PPTC7: variants seen among roughly 807,000 people sequenced by gnomAD.
PPTC7 encodes protein phosphatase targeting COQ7, also known as protein phosphatase PTC7 homolog.
PPTC7 carries 6 observed loss-of-function variants against 30.8 expected under a neutral mutation model. That is an observed-to-expected ratio of 0.19 (90% CI 0.11 to 0.38). PPTC7 has a LOEUF of 0.38. Among genes scored for constraint, PPTC7 ranks in the 10% least tolerant of loss-of-function variants. The pLI is 1.00. For synonymous variants in PPTC7, 163 were observed against 168.1 expected, an observed-to-expected ratio of 0.97 and a Z score of 0.23; for missense variants, 218 against 404.8, an observed-to-expected ratio of 0.54 and a Z score of 3.96.
intron 1 of PPTC7, 34 bp downstream of exon 1, chr12:110,582,775 A>C: frequency 6.6e-7 from 1 of 1,506,286 alleles, no homozygotes; most frequent in Non-Finnish European, 8.9e-7. Context: ...GGCGGATCCG[A>C]GGCTGGGGCA....
intron 2 of PPTC7, 66 bp downstream of exon 2, chr12:110,551,723 T>C: frequency 2.1e-6 from 3 of 1,412,806 alleles, no homozygotes; most frequent in Non-Finnish European, 2.9e-6. Context: ...TAAATGATTT[T>C]CTTGGTTTTG....
At chr12:110,581,570 T>C (rs1004718268) in intron 1 of PPTC7, among the ~76,000 whole-genome samples, 4 of 152,226 alleles carry the variant, frequency 2.6e-5, no homozygotes, top group African/African-American at 9.6e-5. Flanking sequence ...CATGTTAATA[T>C]CAATAGCGTT....
chr12:110,569,459 C>G (rs1382432990), intron 1 of PPTC7, among the ~76,000 whole-genome samples: 1 of 152,170 alleles, frequency 6.6e-6, no homozygotes, highest in Non-Finnish European at 1.5e-5. Context: ...CTAACTGGAC[C>G]TAAGACACTG....
chr12:110,542,388 C>T (rs148043823), intron 3 of PPTC7, among the ~76,000 whole-genome samples: 6 of 151,064 alleles, frequency 4.0e-5, no homozygotes, highest in Admixed American at 1.3e-4. Flanking sequence ...CTGCTCATAG[C>T]GGGCTGTGGG....
chr12:110,558,780 G>C (rs1478667124), intron 1 of PPTC7, among the ~76,000 whole-genome samples: 1 of 152,036 alleles, frequency 6.6e-6, no homozygotes, highest in Non-Finnish European at 1.5e-5. Flanking sequence ...CTAATTTTTT[G>C]TATTTTTAGT....
chr12:110,578,019 G>A (rs538338599), intron 1 of PPTC7, among the ~76,000 whole-genome samples: 10 of 152,238 alleles, frequency 6.6e-5, no homozygotes, highest in South Asian at 2.1e-4. Flanking sequence ...GTGGTCTAAC[G>A]GGGACAGGAC....
intron 1 of PPTC7, among the ~76,000 whole-genome samples, chr12:110,557,774 A>G (rs1259407713): frequency 6.6e-6 from 1 of 152,214 alleles, no homozygotes; most frequent in Non-Finnish European, 1.5e-5. Context: ...TAAAAGACGG[A>G]GGTTTAATTG....
At chr12:110,553,661 C>A (rs966497020) in intron 1 of PPTC7, among the ~76,000 whole-genome samples, 3 of 152,066 alleles carry the variant, frequency 2.0e-5, no homozygotes, top group Non-Finnish European at 2.9e-5. Context: ...CACCTGTAGT[C>A]CCAGCTACTC....
intron 1 of PPTC7, among the ~76,000 whole-genome samples, chr12:110,574,141 T>TAA (rs58133391): frequency 0.036 from 1,363 of 37,500 alleles, 31 homozygotes; most frequent in African/African-American, 0.05. Flanking sequence ...CCACAATAAT[T>TAA]AAAAAAAAAA....
intron 1 of PPTC7, among the ~76,000 whole-genome samples, chr12:110,558,303 T>TA (rs1171105854): frequency 4.6e-5 from 7 of 152,088 alleles, no homozygotes. Context: ...TGGTAGGGTA[T>TA]CCAGTTTGTC....
intron 1 of PPTC7, among the ~76,000 whole-genome samples, chr12:110,576,592 C>T (rs1279082628): frequency 6.6e-6 from 1 of 152,148 alleles, no homozygotes; most frequent in Non-Finnish European, 1.5e-5. Context: ...ACTCTGAAAA[C>T]ATGCTAAGGG....
intron 2 of PPTC7, among the ~76,000 whole-genome samples, chr12:110,551,367 T>C (rs2064348462): frequency 6.6e-6 from 1 of 152,186 alleles, no homozygotes; most frequent in Admixed American, 6.5e-5. Flanking sequence ...TTTTTGGAGA[T>C]GGAGTTTCAC....
intron 1 of PPTC7, among the ~76,000 whole-genome samples, chr12:110,563,507 C>T (rs892238937): frequency 6.6e-6 from 1 of 151,912 alleles, no homozygotes; most frequent in Non-Finnish European, 1.5e-5. Flanking sequence ...CCCAGCTACT[C>T]AGGAGACTGA....
intron 2 of PPTC7, among the ~76,000 whole-genome samples, chr12:110,548,203 C>T (rs1042442000): frequency 1.3e-5 from 2 of 151,818 alleles, no homozygotes; most frequent in African/African-American, 4.8e-5. Flanking sequence ...TTCAAGTTAC[C>T]ATTATTCTAT....
intron 1 of PPTC7, among the ~76,000 whole-genome samples, chr12:110,558,115 T>C (rs115313945): frequency 3.5e-4 from 54 of 152,344 alleles, no homozygotes; most frequent in African/African-American, 1.3e-3. Context: ...TAGATTATTC[T>C]ACAGTTGGCA....
At chr12:110,575,607 CAAAAAAAAA>C (rs55831249) in intron 1 of PPTC7, among the ~76,000 whole-genome samples, 8 of 26,522 alleles carry the variant, frequency 3.0e-4, no homozygotes, top group Non-Finnish European at 5.4e-4. Context: ...AACCCCACCT[CAAAAAAAAA>C]AAAAAAAAAA....
chr12:110,562,430 C>A (rs2064446298), intron 1 of PPTC7, among the ~76,000 whole-genome samples: 1 of 151,364 alleles, frequency 6.6e-6, no homozygotes, highest in African/African-American at 2.4e-5. Flanking sequence ...CCTTTCAGTT[C>A]TATGGAGGTA....
chr12:110,547,683 A>C (rs1565918604), intron 2 of PPTC7, among the ~76,000 whole-genome samples: 1 of 152,200 alleles, frequency 6.6e-6, no homozygotes, highest in Non-Finnish European at 1.5e-5. Flanking sequence ...TATTAAAATG[A>C]TGGTTAAAAG....
At position 110,557,626 on chromosome 12, in the gene PPTC7, A is replaced by G. The variant is rs560139049; in HGVS notation, c.224-5658T>C. ...TACTCAAGAGGTTAACAACGATAATAAAACAGAATAATTATAACAATATAC... is the reference window on the plus strand; with the variant it reads ...TACTCAAGAGGTTAACAACGATAATGAAACAGAATAATTATAACAATATAC... On this transcript the variant is annotated intron_variant, in intron 1 of 5. Coordinates refer to ENST00000354300, the MANE Select transcript of PPTC7 (RefSeq NM_139283.2). Among the ~76,000 whole-genome samples, 3 of 152,352 alleles carry G rather than the reference A, an allele frequency of 2.0e-5. No individual in the cohort carries two copies. In the East Asian group the frequency reaches 5.8e-4, roughly 29 times the overall value.
Sources: gnomAD v4.1 joint callset for allele counts (sites outside exome capture counted in the v4.1 genomes callset) on GRCh38, gnomAD v4.1.1 for gene constraint, MANE v1.5 for transcripts, NCBI Gene and HGNC (gene_info 2026-07-23, HGNC 2026-07-21) for gene names.